HADH: variants seen among roughly 807,000 people sequenced by gnomAD.
HADH encodes hydroxyacyl-CoA dehydrogenase, also known as hydroxyacyl-coenzyme A dehydrogenase, mitochondrial.
HADH carries 24 observed loss-of-function variants against 32.2 expected under a neutral mutation model. The ratio of observed to expected loss-of-function variants is 0.75; its 90% CI spans 0.54 to 1.05. HADH has a LOEUF of 1.05. Ranked by LOEUF, HADH falls within the 50% of genes least tolerant of loss-of-function variation. The pLI is 0.00. For missense variants in HADH, 350 were observed against 397.1 expected (o/e 0.88, Z 1.01); for synonymous variants, 139 against 152.5 (o/e 0.91, Z 0.65).
intron 2 of HADH, among the ~76,000 whole-genome samples, chr4:108,011,091 C>G (rs181442718): frequency 3.2e-4 from 49 of 152,272 alleles, no homozygotes; most frequent in East Asian, 2.7e-3. Flanking sequence ...TTGTTATCCA[C>G]CCACCTCGGT....
chr4:108,004,546 C>T lies in HADH; in HGVS notation c.133-5213C>T, dbSNP rs879343097. 8.9e-6 allele frequency: 8 copies of T among 897,650 alleles called. No homozygotes were observed. In the South Asian group the frequency reaches 1.3e-4, roughly 14 times the overall value. 55.6% of individuals were successfully genotyped at this position (897,650 alleles called of 1,614,324 possible). A position where few individuals can be genotyped will look rare whatever the true frequency, so the allele number is the denominator to read the frequency against. On this transcript the variant is annotated intron_variant, in intron 1 of 7. Transcript: ENST00000309522. ...TTAGCACTTCTTGTTCTGTTTGTAG[C>T]CTCAAATCAACATGTAACCAAAAGC...
intron 3 of HADH, among the ~76,000 whole-genome samples, chr4:108,014,797 C>T (rs1308576176): frequency 6.6e-6 from 1 of 152,120 alleles, no homozygotes; most frequent in Non-Finnish European, 1.5e-5. Context: ...ACCCTCGCCA[C>T]CCTCCCACCT....
chr4:108,030,852 T>G (rs1248947069), intron 6 of HADH: 6 of 152,244 alleles, frequency 3.9e-5, no homozygotes, highest in African/African-American at 1.4e-4. Flanking sequence ...TGTATTTTGT[T>G]TCTCTGTTTC....
At chr4:107,999,740 C>G (rs963890121) in intron 1 of HADH, among the ~76,000 whole-genome samples, 1 of 152,128 alleles carries the variant, frequency 6.6e-6, no homozygotes, top group Admixed American at 6.6e-5. Flanking sequence ...GATTGCTGCT[C>G]TTGAGAAACC....
At chr4:107,995,529 A>T (rs925136046) in intron 1 of HADH, among the ~76,000 whole-genome samples, 1 of 145,444 alleles carries the variant, frequency 6.9e-6, no homozygotes, top group African/African-American at 2.8e-5. Flanking sequence ...AGACTTATTT[A>T]TGTGGGTTGT....
rs1301446397 is a variant in HADH, at chr4:108,022,549, G to A, written c.547-925G>A. ...CGCTGGCCTCTAGAGCATCTGTGTG[G>A]CAGAGGGTGGAGTCATGGGAGAAAT... On this transcript the variant is annotated intron_variant, in intron 4 of 7. Transcript: ENST00000309522. Among the ~76,000 whole-genome samples the A allele has an allele frequency of 2.0e-5, 3 of 152,276 alleles. No homozygotes were observed. The East Asian group carries it at 5.8e-4, about 29-fold the overall frequency.
At chr4:108,014,888 A>G (rs1735642382) in intron 3 of HADH, among the ~76,000 whole-genome samples, 1 of 152,190 alleles carries the variant, frequency 6.6e-6, no homozygotes, top group African/African-American at 2.4e-5. Context: ...ATGTGAGAAC[A>G]TATGGTATTT....
At chr4:108,024,772 A>G (rs1736005080) in intron 5 of HADH, 1 of 152,256 alleles carries the variant, frequency 6.6e-6, no homozygotes, top group South Asian at 2.1e-4. Flanking sequence ...AGATATGGAA[A>G]CAGAAGTACA....
At chr4:108,013,412 G>C (rs1735573564) in intron 2 of HADH, among the ~76,000 whole-genome samples, 1 of 152,124 alleles carries the variant, frequency 6.6e-6, no homozygotes, top group South Asian at 2.1e-4. Flanking sequence ...TTGTCTCCTT[G>C]GGCTGAGTTT....
intron 7 of HADH, 96 bp from the exon 8 acceptor site, chr4:108,034,143 C>T: frequency 1.2e-6 from 1 of 865,368 alleles, no homozygotes; most frequent in South Asian, 1.3e-5. Context: ...GGCTCTCCCA[C>T]ATCAGAGGCA....
At chr4:108,023,421 A>T in intron 4 of HADH, 53 bp from the exon 5 acceptor site, 3 of 1,007,306 alleles carry the variant, frequency 3.0e-6, no homozygotes, top group Non-Finnish European at 4.8e-6. Flanking sequence ...GAACCATTCT[A>T]CCGAAGTTGC....
In HADH at chr4:108,027,353, G is replaced by C. The variant is rs1480837057; in HGVS notation, c.637-335G>C. 7.4e-6 allele frequency: 3 copies of C among 404,270 alleles called. No individual in the cohort carries two copies. The East Asian group carries it at 1.7e-4, about 23-fold the overall frequency. 25.0% of individuals were successfully genotyped at this position (404,270 alleles called of 1,614,324 possible). ...TCACAGATGATGAAACAGATTCAGA[G>C]TGACAGAAGGACCAAGAGAGTATTC... On this transcript the variant is annotated intron_variant, in intron 5 of 7. Transcript: ENST00000309522.
At chr4:108,022,006 C>G (rs1342845157) in intron 4 of HADH, among the ~76,000 whole-genome samples, 1 of 152,154 alleles carries the variant, frequency 6.6e-6, no homozygotes, top group Non-Finnish European at 1.5e-5. Flanking sequence ...CTCATTAGTT[C>G]ACCGAGTCAG....
chr4:108,026,152 C>T (rs1455812311), intron 5 of HADH: 1 of 152,176 alleles, frequency 6.6e-6, no homozygotes, highest in Non-Finnish European at 1.5e-5. Context: ...AGCGATTCTC[C>T]TGCCTCAGCC....
chr4:108,013,423 C>T (rs975353804), intron 2 of HADH, among the ~76,000 whole-genome samples: 1 of 152,120 alleles, frequency 6.6e-6, no homozygotes, highest in African/African-American at 2.4e-5. Flanking sequence ...GGCTGAGTTT[C>T]TGAGCCACAC....
At chr4:108,022,207 G>A (rs867866211) in intron 4 of HADH, among the ~76,000 whole-genome samples, 1,541 of 151,236 alleles carry the variant, frequency 0.01, 21 homozygotes, top group African/African-American at 0.036. Context: ...GTGTATGTGT[G>A]TGTGTGTGTG....
At chr4:108,017,529 A>G (rs777218545) in intron 3 of HADH, among the ~76,000 whole-genome samples, 11 of 152,054 alleles carry the variant, frequency 7.2e-5, no homozygotes, top group Non-Finnish European at 1.3e-4. Context: ...GGTTCAAGAC[A>G]AGTGTTTCCA....
Position 108,007,267 on chromosome 4 carries a change from C to T in HADH, c.133-2492C>T, listed in dbSNP as rs553562513. 2.9e-3 allele frequency among the ~76,000 whole-genome samples: 434 copies of T among 152,168 alleles called. 3 individuals carry two copies. The highest frequency in any genetic ancestry group is 0.017 in the Middle Eastern group (5 of 294). On this transcript the variant is annotated intron_variant, in intron 1 of 7. Transcript: ENST00000309522. ...GACTACAGGCGCCCGCCACCACGCCCGGCTAATTTTTTGTATTTTTTAATA... is the reference window on the plus strand; with the variant it reads ...GACTACAGGCGCCCGCCACCACGCCTGGCTAATTTTTTGTATTTTTTAATA...
In HADH at chr4:108,014,397, G is replaced by A. The variant is rs17038398; in HGVS notation, c.262-34G>A. On this transcript the variant is annotated intron_variant, in intron 2 of 7. Coordinates refer to ENST00000309522, the MANE Select transcript of HADH (RefSeq NM_005327.7). Reference sequence around the variant, plus strand: ...TTGAAAGATAATTTCCAGTGAGCCCGGTGAATGTTCTCTTCTTCCTCCCAC... The same window carrying A: ...TTGAAAGATAATTTCCAGTGAGCCCAGTGAATGTTCTCTTCTTCCTCCCAC... 3.6e-3 allele frequency: 5,869 copies of A among 1,613,408 alleles called. 108 individuals carry two copies. The African/African-American group carries it at 0.046, about 13-fold the overall frequency.
Sources: gnomAD v4.1 joint callset for allele counts (sites outside exome capture counted in the v4.1 genomes callset) on GRCh38, gnomAD v4.1.1 for gene constraint, MANE v1.5 for transcripts, NCBI Gene and HGNC (gene_info 2026-07-23, HGNC 2026-07-21) for gene names.